PKD1L1: variants seen among roughly 807,000 people sequenced by gnomAD.
PKD1L1 encodes polycystin-1-like protein 1.
PKD1L1 carries 236 observed loss-of-function variants against 323.4 expected under a neutral mutation model. The observed-to-expected ratio is 0.73, with a 90% CI of 0.66 to 0.81. The LOEUF (loss-of-function observed/expected upper bound fraction) is 0.81. PKD1L1 is among the 40% of genes least tolerant of loss of function. The probability of loss-of-function intolerance (pLI) is 0.00; values close to 1 mark genes in which losing one functional copy is unlikely to be tolerated. For missense variants in PKD1L1, 3,320 were observed against 3,508.0 expected, an observed-to-expected ratio of 0.95 and a Z score of 1.35; for synonymous variants, 1,344 against 1,335.0, an observed-to-expected ratio of 1.01 and a Z score of -0.15.
intron 2 of PKD1L1, among the ~76,000 whole-genome samples, chr7:47,941,633 A>G (rs1583693048): frequency 6.6e-6 from 1 of 152,246 alleles, no homozygotes; most frequent in South Asian, 2.1e-4. Flanking sequence ...GCCATTGAGC[A>G]CCCATGCAGG....
intron 56 of PKD1L1, among the ~76,000 whole-genome samples, chr7:47,787,266 C>T (rs1362956740): frequency 6.6e-6 from 1 of 152,144 alleles, no homozygotes; most frequent in African/African-American, 2.4e-5. Flanking sequence ...AGAAACCCAC[C>T]TGGGAGCCAG....
intron 13 of PKD1L1, among the ~76,000 whole-genome samples, chr7:47,900,861 G>C (rs558708028): frequency 7.9e-5 from 12 of 152,092 alleles, no homozygotes; most frequent in African/African-American, 2.2e-4. Flanking sequence ...GTAATCAAAA[G>C]GCTGCTTAAT....
chr7:47,827,613 A>G, intron 44 of PKD1L1, 145 bp from the exon 45 acceptor site: 1 of 646,412 alleles, frequency 1.5e-6, no homozygotes, highest in East Asian at 2.7e-5. Context: ...CTTTGTATGG[A>G]TAACATAGAC....
Position 47,877,544 on chromosome 7 carries a change from T to C in PKD1L1, c.3608A>G (p.His1203Arg), listed in dbSNP as rs1406723698. 6.2e-7 allele frequency: 1 copy of C among 1,613,774 alleles called. No homozygotes were observed. Among genetic ancestry groups the C allele is most frequent in the Non-Finnish European group, 8.5e-7 (1 of 1,179,916 alleles). The change falls in exon 22 of 57, where the codon CAC becomes CGC. Residue 1203 changes from histidine to arginine, a missense_variant. Transcript: ENST00000289672. ...PRDMACQVQPHHGLEAHTVFS... is the reference protein window; with the variant it reads ...PRDMACQVQPRHGLEAHTVFS... ...GACGGTGTGTGCTTCCAGACCATGG[T>C]GGGGCTGCACCTGACAGGCCATGTC...
At chr7:47,920,097 C>G (rs998994403) in intron 7 of PKD1L1, among the ~76,000 whole-genome samples, 2 of 151,954 alleles carry the variant, frequency 1.3e-5, no homozygotes, top group East Asian at 3.9e-4. Context: ...ATGATATGAT[C>G]GTATATCTAG....
Position 47,803,311 on chromosome 7 carries a change from G to A in PKD1L1, c.7861C>T (p.Leu2621Phe). The A allele has an allele frequency of 1.2e-6, 2 of 1,614,092 alleles. No homozygotes were observed. Among genetic ancestry groups the A allele is most frequent in the Admixed American group, 1.7e-5 (1 of 60,008 alleles). ...AGATAGACGCATTTTAATGTGAAGA[G>A]GAATAAGAGGATTCCCCGGAGCCAT... ...ARWLRGILLF[L>F]FTLKCVYLPG... Residue 2621 changes from leucine (L) to phenylalanine (F), a missense_variant, in exon 53 of 57, where the codon CTC becomes TTC. Leu to Phe is a conservative substitution (Grantham distance 22). Transcript: ENST00000289672.
At chr7:47,887,702 C>T (rs997142512) in intron 17 of PKD1L1, among the ~76,000 whole-genome samples, 1 of 152,198 alleles carries the variant, frequency 6.6e-6, no homozygotes, top group Non-Finnish European at 1.5e-5. Flanking sequence ...TCCTTCTGAA[C>T]TGTGGCTTTA....
intron 16 of PKD1L1, 111 bp downstream of exon 16, chr7:47,890,431 G>T: frequency 9.1e-7 from 1 of 1,102,052 alleles, no homozygotes; most frequent in Non-Finnish European, 1.3e-6. Context: ...AATCCTGCAT[G>T]GCCAAACTCC....
chr7:47,853,766 C>CA (rs58842095), intron 30 of PKD1L1, among the ~76,000 whole-genome samples: 6,659 of 108,060 alleles, frequency 0.062, 222 homozygotes, highest in South Asian at 0.14. Context: ...ACAAACAAAC[C>CA]AAAAAAAAAA....
chr7:47,857,602 T>C lies in PKD1L1; in HGVS notation c.4590+3A>G. ...AAGTGGCAGGTCATCTGTCAGCTTG[T>C]ACCTGCCCAGGAGCTTGGCTCCCTG... On this transcript the variant is annotated splice_donor_region_variant and intron_variant, in intron 28 of 56. Transcript: ENST00000289672. 6.2e-7 allele frequency: 1 copy of C among 1,611,964 alleles called. No individual in the cohort carries two copies. The highest frequency in any genetic ancestry group is 8.5e-7 in the Non-Finnish European group (1 of 1,178,132).
intron 56 of PKD1L1, among the ~76,000 whole-genome samples, chr7:47,787,793 C>G (rs1215988026): frequency 1.3e-5 from 2 of 152,018 alleles, no homozygotes; most frequent in Non-Finnish European, 2.9e-5. Flanking sequence ...CTCACTGCAG[C>G]CTTGACCTCC....
chr7:47,781,312 C>T (rs758418853), intron 56 of PKD1L1, among the ~76,000 whole-genome samples: 10 of 151,432 alleles, frequency 6.6e-5, no homozygotes, highest in Non-Finnish European at 1.0e-4. Context: ...GTTGAACATG[C>T]GGTCTGCAAA....
Position 47,946,879 on chromosome 7 carries a change from A to G in PKD1L1, c.44+1518T>C, listed in dbSNP as rs965596408. ...CATGAACTAGTTGGTCTGCAAGTAC[A>G]AGATGTATAAATATACAGGGGAAAA... On this transcript the variant is annotated intron_variant, in intron 1 of 56. Transcript: ENST00000289672. This position sits in a 1 kb window ranked among gnomAD's most constrained non-coding sequence, Gnocchi z 4.1. 6.5e-5 allele frequency among the ~76,000 whole-genome samples: 9 copies of G among 138,822 alleles called. No individual in the cohort carries two copies. The highest frequency in any genetic ancestry group is 2.7e-4 in the Admixed American group (4 of 14,668). The allele number at this position is 138,822 out of a possible 152,430, so 91.1% of individuals were successfully genotyped here. A position where few individuals can be genotyped will look rare whatever the true frequency, so the allele number is the denominator to read the frequency against.
At chr7:47,908,761 GAGA>G (rs940049644) in intron 8 of PKD1L1, among the ~76,000 whole-genome samples, 1 of 152,182 alleles carries the variant, frequency 6.6e-6, no homozygotes, top group Non-Finnish European at 1.5e-5. Flanking sequence ...TCATTAAGTG[GAGA>G]AGACTATTGC....
At chr7:47,958,557 A>G in the PKD1L1 span, among the ~76,000 whole-genome samples, 3 of 152,248 alleles carry the variant, frequency 2.0e-5, no homozygotes, top group Non-Finnish European at 2.9e-5. Context: ...AGACTTCAAA[A>G]GCACAGGCAA....
intron 19 of PKD1L1, 85 bp from the exon 20 acceptor site, chr7:47,882,170 A>C: frequency 7.2e-7 from 1 of 1,390,722 alleles, no homozygotes; most frequent in Non-Finnish European, 1.0e-6. Context: ...GCTGATATTA[A>C]TAACTATTTG....
At chr7:47,787,631 G>A (rs1001837427) in intron 56 of PKD1L1, among the ~76,000 whole-genome samples, 1 of 152,204 alleles carries the variant, frequency 6.6e-6, no homozygotes, top group Non-Finnish European at 1.5e-5. Context: ...AGTTATATGA[G>A]CTATAAAATA....
At chr7:47,826,766 T>C (rs1161391756) in intron 45 of PKD1L1, among the ~76,000 whole-genome samples, 1 of 152,154 alleles carries the variant, frequency 6.6e-6, no homozygotes, top group Non-Finnish European at 1.5e-5. Context: ...AGGTAGAAGT[T>C]GGAGAGCTTT....
chr7:47,827,898 T>C (rs1004840330), intron 44 of PKD1L1, among the ~76,000 whole-genome samples: 10 of 152,168 alleles, frequency 6.6e-5, no homozygotes, highest in Non-Finnish European at 1.5e-4. Flanking sequence ...AAAAATCAAT[T>C]TTACTTTCAT....
Sources: gnomAD v4.1 joint callset for allele counts (sites outside exome capture counted in the v4.1 genomes callset) on GRCh38, gnomAD v4.1.1 for gene constraint, Gnocchi (gnomAD v3.1) non-coding constraint, MANE v1.5 for transcripts, NCBI Gene and HGNC (gene_info 2026-07-23, HGNC 2026-07-21) for gene names.